The following KMT5A variants were observed in gnomAD, a reference collection of about 807,000 sequenced individuals.
KMT5A encodes the protein lysine methyltransferase 5A, also known as N-lysine methyltransferase KMT5A.
KMT5A carries 6 observed loss-of-function variants against 40.6 expected under a neutral mutation model. The observed-to-expected ratio is 0.15, with a 90% CI of 0.08 to 0.29. KMT5A has a LOEUF of 0.29. Among genes scored for constraint, KMT5A ranks in the 10% least tolerant of loss-of-function variants. KMT5A has a pLI of 1.00. For synonymous variants in KMT5A, 153 were observed against 178.8 expected (o/e 0.86, Z 1.15); for missense variants, 308 against 459.1 (o/e 0.67, Z 3.01).
At chr12:123,396,998 C>G (rs924526039) in intron 5 of KMT5A, among the ~76,000 whole-genome samples, 2 of 152,186 alleles carry the variant, frequency 1.3e-5, no homozygotes, top group African/African-American at 2.4e-5. Flanking sequence ...CAAGAGGAAC[C>G]CTTAGAACCA....
rs3881293 is a variant in KMT5A at position 123,408,081 on chromosome 12, T to A, written c.*378T>A. The stretch of plus-strand genomic sequence containing the variant: ...TTTCTCCAGTGGAAGAGCCGGGACC[T>A]TCCCCCTGCACCCCCGACATCCAGG... On this transcript the variant is annotated 3_prime_UTR_variant, in exon 8 of 8. Coordinates refer to ENST00000402868, the MANE Select transcript of KMT5A (RefSeq NM_020382.7). 0.02 allele frequency: 4,250 copies of A among 217,804 alleles called. 69 individuals carry two copies. The highest frequency in any genetic ancestry group is 0.029 in the Non-Finnish European group (3,064 of 107,452). 13.5% of individuals were successfully genotyped at this position (217,804 alleles called of 1,614,324 possible). A position where few individuals can be genotyped will look rare whatever the true frequency, so the allele number is the denominator to read the frequency against.
intron 1 of KMT5A, among the ~76,000 whole-genome samples, chr12:123,387,566 C>T (rs577723313): frequency 1.0e-3 from 155 of 152,296 alleles, no homozygotes; most frequent in African/African-American, 3.5e-3. Context: ...CTGTAGTAGG[C>T]TCTGCAGAGG....
intron 2 of KMT5A, 142 bp downstream of exon 2, chr12:123,389,696 C>A: frequency 3.7e-6 from 2 of 545,580 alleles, no homozygotes; most frequent in Non-Finnish European, 4.8e-6. Context: ...GGCGCCCACA[C>A]GGCTCCGCCA....
chr12:123,389,264 GCTCCGGCCCGGCCCT>G, intron 1 of KMT5A, 154 bp from the exon 2 acceptor site: 16 of 212,640 alleles, frequency 7.5e-5, no homozygotes, highest in Non-Finnish European at 1.0e-4. Context: ...GGCGACGCGG[GCTCCGGCCCGGCCCT>G]CCCGGCTGCG....
intron 5 of KMT5A, among the ~76,000 whole-genome samples, chr12:123,401,646 A>G (rs1878188898): frequency 2.7e-5 from 4 of 149,730 alleles, no homozygotes; most frequent in Admixed American, 2.7e-4. Flanking sequence ...CAGTGGTGCG[A>G]TCTTGGCCTA....
chr12:123,402,293 G>A (rs1004212131), intron 5 of KMT5A, among the ~76,000 whole-genome samples: 6 of 152,258 alleles, frequency 3.9e-5, no homozygotes, highest in Admixed American at 6.5e-5. Flanking sequence ...GGCCGGGGCC[G>A]TGGCTGGGCT....
At chr12:123,388,116 T>A (rs1395041368) in intron 1 of KMT5A, among the ~76,000 whole-genome samples, 1 of 152,204 alleles carries the variant, frequency 6.6e-6, no homozygotes, top group Non-Finnish European at 1.5e-5. Flanking sequence ...CGTCTGCCTA[T>A]GGGGGCATTT....
chr12:123,387,158 G>C (rs988895607), intron 1 of KMT5A, among the ~76,000 whole-genome samples: 1 of 152,104 alleles, frequency 6.6e-6, no homozygotes, highest in African/African-American at 2.4e-5. Flanking sequence ...CGCCCAGCTG[G>C]TGTATTTGTT....
intron 7 of KMT5A, 55 bp from the exon 8 acceptor site, chr12:123,407,438 A>T: frequency 6.5e-7 from 1 of 1,534,250 alleles, no homozygotes; most frequent in Non-Finnish European, 9.0e-7. Context: ...GACTCTCTTC[A>T]GGTTGAAAAG....
intron 1 of KMT5A, among the ~76,000 whole-genome samples, chr12:123,388,253 G>A (rs1301645230): frequency 6.6e-6 from 1 of 152,224 alleles, no homozygotes; most frequent in Non-Finnish European, 1.5e-5. Context: ...AGGCCCTGGG[G>A]TCAGTTGGCT....
intron 3 of KMT5A, among the ~76,000 whole-genome samples, chr12:123,391,833 AT>A (rs1877339745): frequency 6.6e-6 from 1 of 152,218 alleles, no homozygotes; most frequent in African/African-American, 2.4e-5. Context: ...ATAAATGACG[AT>A]TTGGCATGAC....
chr12:123,400,257 G>C (rs1159329884), intron 5 of KMT5A, among the ~76,000 whole-genome samples: 1 of 136,026 alleles, frequency 7.4e-6, no homozygotes, highest in Non-Finnish European at 1.6e-5. Context: ...GGATGGTCTC[G>C]ATCTCCTGAC....
At chr12:123,390,866 T>C (rs1877265972) in intron 3 of KMT5A, 80 bp downstream of exon 3, 8 of 1,490,228 alleles carry the variant, frequency 5.4e-6, no homozygotes, top group Non-Finnish European at 7.3e-6. Context: ...AATGCACATA[T>C]GTATTTATCC....
intron 1 of KMT5A, chr12:123,388,953 A>G (rs1877041052): frequency 7.4e-6 from 1 of 135,178 alleles, no homozygotes; most frequent in Non-Finnish European, 1.6e-5. Flanking sequence ...GGCGGCTGCG[A>G]GCGGGCGGGA....
intron 3 of KMT5A, among the ~76,000 whole-genome samples, chr12:123,391,724 C>T (rs972869684): frequency 6.6e-6 from 1 of 152,206 alleles, no homozygotes; most frequent in Non-Finnish European, 1.5e-5. Flanking sequence ...CCCAATTCAC[C>T]ATGCTCTCTT....
chr12:123,391,898 G>A (rs1421151827), intron 3 of KMT5A, among the ~76,000 whole-genome samples: 1 of 152,206 alleles, frequency 6.6e-6, no homozygotes, highest in Non-Finnish European at 1.5e-5. Context: ...CTGGGGACAG[G>A]AGCCCACCCT....
At chr12:123,395,839 A>G (rs1877681709) in intron 4 of KMT5A, among the ~76,000 whole-genome samples, 1 of 152,026 alleles carries the variant, frequency 6.6e-6, no homozygotes, top group East Asian at 1.9e-4. Flanking sequence ...CTGGGATTAC[A>G]GGCGTGAACC....
At chr12:123,396,110 T>C (rs1877700980) in intron 4 of KMT5A, among the ~76,000 whole-genome samples, 1 of 151,894 alleles carries the variant, frequency 6.6e-6, no homozygotes, top group African/African-American at 2.4e-5. Context: ...CCTCCCAGAG[T>C]GTTGGCATTA....
At chr12:123,389,283 G>A in intron 1 of KMT5A, 150 bp from the exon 2 acceptor site, 4 of 332,230 alleles carry the variant, frequency 1.2e-5, no homozygotes, top group Non-Finnish European at 1.7e-5. Context: ...CGGCCCTCCC[G>A]GCTGCGCGGG....
Sources: gnomAD v4.1 joint callset for allele counts (sites outside exome capture counted in the v4.1 genomes callset) on GRCh38, gnomAD v4.1.1 for gene constraint, MANE v1.5 for transcripts, NCBI Gene and HGNC (gene_info 2026-07-23, HGNC 2026-07-21) for gene names.